Variants in NPC1 observed in about 807,000 individuals in gnomAD.
The protein encoded by NPC1 is Niemann-Pick C1 protein.
Under a neutral mutation model 140.4 loss-of-function variants are expected in NPC1, and 85 were observed. That is an observed-to-expected ratio of 0.61 (90% confidence interval 0.51 to 0.72). The LOEUF (loss-of-function observed/expected upper bound fraction) is 0.72, where lower values mean the gene tolerates loss of function less well. NPC1 is among the 30% of genes least tolerant of loss of function. NPC1 has a pLI of 0.00. For synonymous variants in NPC1, 656 were observed against 624.8 expected (o/e 1.05, Z -0.74); for missense variants, 1,504 against 1,623.8 (o/e 0.93, Z 1.27).
chr18:23,533,824 T>C (rs2058581114), intron 23 of NPC1: 1 of 401,166 alleles, frequency 2.5e-6, no homozygotes, highest in African/African-American at 2.1e-5. Context: ...GATTTCTTAA[T>C]ATTCAAGGTT....
chr18:23,530,566 T>C (rs79533717), downstream of NPC1: 21 of 1,614,102 alleles, frequency 1.3e-5, no homozygotes, highest in Non-Finnish European at 1.7e-5. Context: ...TCCGCTTTTT[T>C]GAACAGCGAA....
intron 3 of NPC1, among the ~76,000 whole-genome samples, chr18:23,517,205 A>G (rs1441015431): frequency 1.3e-5 from 2 of 151,462 alleles, no homozygotes; most frequent in Non-Finnish European, 2.9e-5. Context: ...GCTGGAGTAC[A>G]GTGGCACGAT....
At chr18:23,548,357 A>T (rs1032197267) in intron 10 of NPC1, among the ~76,000 whole-genome samples, 5 of 126,100 alleles carry the variant, frequency 4.0e-5, no homozygotes, top group Admixed American at 1.5e-4. Flanking sequence ...TTTTTTTTTT[A>T]AAGGATACAG....
chr18:23,568,295 T>C (rs1423523965), intron 4 of NPC1, among the ~76,000 whole-genome samples: 1 of 152,192 alleles, frequency 6.6e-6, no homozygotes, highest in Non-Finnish European at 1.5e-5. Flanking sequence ...TTTGTTGCTT[T>C]TGTGAATGAG....
chr18:23,538,968 TTTA>T (rs1567949014), intron 19 of NPC1: 44 of 463,126 alleles, frequency 9.5e-5, no homozygotes, highest in South Asian at 9.4e-4. Flanking sequence ...CTTCTATGTT[TTTA>T]TTAAGAAAAT....
Position 23,532,115 on chromosome 18 carries a change from C to A in NPC1, c.*87G>T. 6.2e-7 allele frequency: 1 copy of A among 1,613,844 alleles called. No homozygotes were observed. The highest frequency in any genetic ancestry group is 1.1e-5 in the South Asian group (1 of 91,010). ...CCGATGGTTGGCACCATCCGGTGTTCAACTTGGCCTTGCCGATGCAGCACC... is the reference window on the plus strand; with the variant it reads ...CCGATGGTTGGCACCATCCGGTGTTAAACTTGGCCTTGCCGATGCAGCACC... On this transcript the variant is annotated 3_prime_UTR_variant, in exon 25 of 25. Transcript: ENST00000269228.
intron 20 of NPC1, among the ~76,000 whole-genome samples, chr18:23,538,092 T>C (rs1451889093): frequency 6.6e-6 from 1 of 152,158 alleles, no homozygotes; most frequent in African/African-American, 2.4e-5. Flanking sequence ...ACCCTATACA[T>C]GGATGGGCTG....
chr18:23,538,958 C>T (rs1324498535), intron 19 of NPC1: 2 of 470,902 alleles, frequency 4.2e-6, no homozygotes, highest in African/African-American at 3.9e-5. Flanking sequence ...GAGCCCGGGG[C>T]TTCTATGTTT....
Position 23,533,468 on chromosome 18 carries a change from G to C in NPC1, c.3641C>G (p.Ala1214Gly). 6.2e-7 allele frequency: 1 copy of C among 1,614,208 alleles called. No individual in the cohort carries two copies. The highest frequency in any genetic ancestry group is 8.5e-7 in the Non-Finnish European group (1 of 1,180,008). Residue 1214 changes from alanine (A) to glycine (G), a missense_variant, in exon 24 of 25, where the codon GCT becomes GGT. Physicochemically the swap from Ala to Gly is moderately conservative, Grantham distance 60. Transcript: ENST00000269228. ...CTGGAAAATTTGAGATTTGGCAAAA[G>C]CCAACACCACAATCCCTCCAAATTT... The part of the protein sequence containing the change: ...LTKFGGIVVL[A>G]FAKSQIFQIF...
chr18:23,544,947 C>CCCCT lies in NPC1; in HGVS notation c.1947+12_1947+13insAGGG, dbSNP rs1555634656. On this transcript the variant is annotated intron_variant, in intron 12 of 24. Coordinates refer to ENST00000269228, the MANE Select transcript of NPC1 (RefSeq NM_000271.5). ...TTAACCTCTAGAACATACACCACCC[C>CCCCT]CCCCCGGCTTACCAGAAGCCTGCGA... 94 of 1,359,586 alleles carry CCCCT rather than the reference C, an allele frequency of 6.9e-5. 11 individuals carry two copies. The East Asian group carries it at 2.3e-3, about 33-fold the overall frequency. The allele number at this position is 1,359,586 out of a possible 1,614,324, so 84.2% of individuals were successfully genotyped here.
At chr18:23,514,627 C>T (rs867210659) in intron 3 of NPC1, among the ~76,000 whole-genome samples, 1 of 152,070 alleles carries the variant, frequency 6.6e-6, no homozygotes, top group Middle Eastern at 3.2e-3. Context: ...TCCATACACA[C>T]AGAAATAGAA....
intron 24 of NPC1, chr18:23,533,133 C>G (rs984443716): frequency 1.4e-5 from 9 of 630,644 alleles, no homozygotes; most frequent in African/African-American, 1.3e-4. Flanking sequence ...GATCAGGCCT[C>G]CAGAAAAAAC....
intron 11 of NPC1, 61 bp from the exon 12 acceptor site, chr18:23,545,210 T>G (rs1457247196): frequency 3.2e-6 from 4 of 1,252,254 alleles, no homozygotes; most frequent in Non-Finnish European, 4.7e-6. Context: ...AGTAAGAAAC[T>G]TCTCCCTAAC....
chr18:23,573,139 G>T (rs1345016541), intron 2 of NPC1, among the ~76,000 whole-genome samples: 2 of 152,180 alleles, frequency 1.3e-5, no homozygotes, highest in African/African-American at 2.4e-5. Context: ...ATCAAAACCA[G>T]CTAACTTCTA....
chr18:23,555,612 A>C (rs2058939045), intron 8 of NPC1, among the ~76,000 whole-genome samples: 1 of 152,260 alleles, frequency 6.6e-6, no homozygotes, highest in South Asian at 2.1e-4. Context: ...TCATTAAAAA[A>C]GAAGCCGGTA....
At position 23,551,712 on chromosome 18, in the gene NPC1, C is replaced by T. The variant is rs1376770067; in HGVS notation, c.1569G>A (p.Leu523=). The T allele has an allele frequency of 3.1e-6, 5 of 1,613,926 alleles. No individual in the cohort carries two copies. Among genetic ancestry groups the T allele is most frequent in the Non-Finnish European group, 4.2e-6 (5 of 1,179,948 alleles). ...GGTCATGGAGCAAACTTGTATCATTCAGAGAGGCAGGAGCCCTGCCAAAAA... is the reference window on the plus strand; with the variant it reads ...GGTCATGGAGCAAACTTGTATCATTTAGAGAGGCAGGAGCCCTGCCAAAAA... ...FLYCVRAPAS[L]NDTSLLHDPC... is the part of the protein sequence containing the mutation. The change falls in exon 10 of 25, where the codon CTG becomes CTA. Residue 523 remains leucine, a synonymous_variant. Coordinates refer to ENST00000269228, the MANE Select transcript of NPC1 (RefSeq NM_000271.5).
chr18:23,525,402 C>T (rs554856309), downstream of NPC1, among the ~76,000 whole-genome samples: 1 of 152,188 alleles, frequency 6.6e-6, no homozygotes, highest in Admixed American at 6.5e-5. Flanking sequence ...CGCACATCAC[C>T]ACGCCCAGTT....
chr18:23,578,948 C>T (rs1201262372), intron 1 of NPC1, among the ~76,000 whole-genome samples: 1 of 152,244 alleles, frequency 6.6e-6, no homozygotes, highest in African/African-American at 2.4e-5. Context: ...GGTGCAGATG[C>T]CTGCCGCTTG....
In NPC1 at chr18:23,576,596, G is replaced by A. The variant is rs1202181059; in HGVS notation, c.58-3022C>T. ...CAAGAATGAAGCCGCGGACCCTGGCGGTGAGCGTTACAGCTCTTAAGGTGG... is the reference window on the plus strand; with the variant it reads ...CAAGAATGAAGCCGCGGACCCTGGCAGTGAGCGTTACAGCTCTTAAGGTGG... On this transcript the variant is annotated intron_variant, in intron 1 of 24. Transcript: ENST00000269228. 6 of 564,450 alleles carry A rather than the reference G, an allele frequency of 1.1e-5. 1 individual carries two copies. The highest frequency in any genetic ancestry group is 1.3e-4 in the East Asian group (1 of 7,444). 35.0% of individuals were successfully genotyped at this position (564,450 alleles called of 1,614,324 possible).
Sources: allele counts gnomAD v4.1 joint callset (sites outside exome capture counted in the v4.1 genomes callset), GRCh38; gene constraint gnomAD v4.1.1; transcripts MANE v1.5; gene names NCBI Gene and HGNC (gene_info 2026-07-23, HGNC 2026-07-21).